The following SLIT3 variants were observed in gnomAD, a reference collection of about 807,000 sequenced individuals.
The protein encoded by SLIT3 is slit homolog 3 protein.
In SLIT3, 68 loss-of-function variants were observed where a neutral mutation model predicts 184.0. That is an observed-to-expected ratio of 0.37 (90% confidence interval 0.30 to 0.45). SLIT3 has a LOEUF of 0.45. SLIT3 is among the 20% of genes least tolerant of loss of function. The pLI is 1.00. For synonymous variants in SLIT3, 831 were observed against 828.6 expected, an observed-to-expected ratio of 1.00 and a Z score of -0.05; for missense variants, 1,707 against 2,026.0, an observed-to-expected ratio of 0.84 and a Z score of 3.02.
chr5:168,883,426 G>A, intron 4 of SLIT3, 90 bp from the exon 5 acceptor site: 1 of 1,004,252 alleles, frequency 1.0e-6, no homozygotes, highest in Non-Finnish European at 1.5e-6. Context: ...CCCCCACCCA[G>A]GCTGCTGCCT....
Position 168,686,969 on chromosome 5 carries a change from C to T in SLIT3, c.3314+10G>A, listed in dbSNP as rs1413941998. 3 of 1,612,002 alleles carry T rather than the reference C, an allele frequency of 1.9e-6. No homozygotes were observed. Among genetic ancestry groups the T allele is most frequent in the Admixed American group, 3.3e-5 (2 of 59,998 alleles). On this transcript the variant is annotated intron_variant, in intron 30 of 35. Transcript: ENST00000519560. ...GGCTGTCTCCTTCCTGAGGTGCCCT[C>T]CTGCCTTACCTGAAGCCCTGGGGGC...
At chr5:168,936,723 T>C (rs1762169972) in intron 4 of SLIT3, among the ~76,000 whole-genome samples, 1 of 152,182 alleles carries the variant, frequency 6.6e-6, no homozygotes, top group East Asian at 1.9e-4. Context: ...CTGGGTGACA[T>C]GCTAACACTG....
intron 16 of SLIT3, among the ~76,000 whole-genome samples, chr5:168,760,521 C>T (rs747246719): frequency 2.6e-5 from 4 of 152,190 alleles, no homozygotes; most frequent in Non-Finnish European, 5.9e-5. Flanking sequence ...ACCTTAGATA[C>T]CCGTGCCCCA....
rs1191521493 is a variant in SLIT3 at position 169,111,744 on chromosome 5, ACT to A, written c.413+81733_413+81734del. Among the ~76,000 whole-genome samples the A allele has an allele frequency of 7.2e-5, 11 of 152,244 alleles. No individual in the cohort carries two copies. The South Asian group carries it at 1.9e-3, about 26-fold the overall frequency. On this transcript the variant is annotated intron_variant, in intron 4 of 35. Coordinates refer to ENST00000519560, the MANE Select transcript of SLIT3 (RefSeq NM_003062.4). ...TTCAGCCTGGACAACAAGAGCAAAA[ACT>A]CTGTCAAAAAATAAATAATAAATAA...
chr5:169,264,022 T>G (rs1439768849), intron 1 of SLIT3, among the ~76,000 whole-genome samples: 1 of 151,568 alleles, frequency 6.6e-6, no homozygotes, highest in African/African-American at 2.4e-5. Context: ...ATCAATGTTT[T>G]CTGGAGTAAA....
intron 4 of SLIT3, among the ~76,000 whole-genome samples, chr5:169,155,393 C>G (rs1244594505): frequency 6.6e-6 from 1 of 152,154 alleles, no homozygotes; most frequent in Admixed American, 6.5e-5. Context: ...CAACATCATG[C>G]ATAATTTGGA....
At chr5:169,249,940 T>C (rs4868441) in intron 2 of SLIT3, among the ~76,000 whole-genome samples, 35,541 of 152,178 alleles carry the variant, frequency 0.23, 5,048 homozygotes, top group Middle Eastern at 0.35. Context: ...ATTCCCCATG[T>C]CCCCACACAT....
At chr5:169,141,336 C>A (rs891359902) in intron 4 of SLIT3, among the ~76,000 whole-genome samples, 2 of 152,134 alleles carry the variant, frequency 1.3e-5, no homozygotes, top group Non-Finnish European at 1.5e-5. Context: ...AATTCTGCCT[C>A]TTTCCTTGCC....
intron 4 of SLIT3, among the ~76,000 whole-genome samples, chr5:169,078,519 G>A (rs978660617): frequency 2.6e-5 from 4 of 152,046 alleles, no homozygotes; most frequent in African/African-American, 4.8e-5. Context: ...CCAGTCTCCC[G>A]CAAACCCAGC....
In SLIT3 at chr5:168,665,943, A is replaced by C. The variant is rs1761020388; in HGVS notation, c.*511T>G. The stretch of plus-strand genomic sequence containing the variant: ...GGGGAGGAAAAATAAAAGGGAGTTA[A>C]AAAACAAGAAACAAAGGTCTTTTCC... On this transcript the variant is annotated 3_prime_UTR_variant, in exon 36 of 36. Transcript: ENST00000519560. 1 of 152,148 alleles carries C rather than the reference A, an allele frequency of 6.6e-6. No individual in the cohort carries two copies. Among genetic ancestry groups the C allele is most frequent in the South Asian group, 2.1e-4 (1 of 4,832 alleles). The allele number at this position is 152,148 out of a possible 1,614,324, so 9.4% of individuals were successfully genotyped here.
chr5:168,904,991 A>G (rs766388384), intron 4 of SLIT3, among the ~76,000 whole-genome samples: 1 of 151,782 alleles, frequency 6.6e-6, no homozygotes, highest in Non-Finnish European at 1.5e-5. Context: ...ACATAGTAAA[A>G]CCCCATCTCT....
At chr5:168,819,059 T>C (rs144599649) in intron 7 of SLIT3, among the ~76,000 whole-genome samples, 2 of 152,266 alleles carry the variant, frequency 1.3e-5, no homozygotes, top group African/African-American at 2.4e-5. Context: ...CACAGGCTCC[T>C]GGGCCCAAGA....
intron 4 of SLIT3, among the ~76,000 whole-genome samples, chr5:169,010,000 T>TC (rs1311583134): frequency 6.6e-6 from 1 of 152,164 alleles, no homozygotes; most frequent in Non-Finnish European, 1.5e-5. Context: ...CATGCAAGAC[T>TC]CCCTGGCTTT....
intron 27 of SLIT3, among the ~76,000 whole-genome samples, chr5:168,699,076 C>T (rs1762142627): frequency 6.6e-6 from 1 of 152,210 alleles, no homozygotes; most frequent in Non-Finnish European, 1.5e-5. Context: ...GCCCCGTGGC[C>T]ACCTCCATGT....
chr5:168,943,143 G>A (rs1762375631), intron 4 of SLIT3, among the ~76,000 whole-genome samples: 2 of 152,150 alleles, frequency 1.3e-5, no homozygotes, highest in South Asian at 4.1e-4. Context: ...GATCCTAAAA[G>A]GAGCTGGGGC....
intron 19 of SLIT3, 139 bp from the exon 20 acceptor site, chr5:168,748,573 C>T (rs1754584967): frequency 2.4e-5 from 19 of 784,482 alleles, no homozygotes; most frequent in Non-Finnish European, 3.5e-5. Context: ...AAGAGGGTAC[C>T]CGCTGGTCTC....
intron 9 of SLIT3, among the ~76,000 whole-genome samples, chr5:168,803,555 T>A (rs768305960): frequency 6.6e-6 from 1 of 152,158 alleles, no homozygotes; most frequent in Non-Finnish European, 1.5e-5. Context: ...GAGCTGTGTA[T>A]CCACGAGGTC....
intron 4 of SLIT3, among the ~76,000 whole-genome samples, chr5:169,172,603 G>T (rs1045450061): frequency 1.3e-5 from 2 of 152,156 alleles, no homozygotes; most frequent in African/African-American, 4.8e-5. Flanking sequence ...TAAAATGAAT[G>T]CATTTGGGAA....
chr5:168,844,799 TGC>T, intron 5 of SLIT3, 144 bp from the exon 6 acceptor site: 1 of 651,778 alleles, frequency 1.5e-6, no homozygotes, highest in African/African-American at 1.8e-5. Context: ...CCAGCCTGTC[TGC>T]CACGCTGCTC....
Sources: gnomAD v4.1 joint callset for allele counts (sites outside exome capture counted in the v4.1 genomes callset) on GRCh38, gnomAD v4.1.1 for gene constraint, MANE v1.5 for transcripts, NCBI Gene and HGNC (gene_info 2026-07-23, HGNC 2026-07-21) for gene names.